Variants in MAP1B observed in about 807,000 individuals in gnomAD.
MAP1B encodes the protein microtubule-associated protein 1B.
Under a neutral mutation model 176.1 loss-of-function variants are expected in MAP1B, and 12 were observed. The observed-to-expected ratio is 0.07, with a 90% CI of 0.04 to 0.11. The LOEUF (loss-of-function observed/expected upper bound fraction) is 0.11, where lower values mean the gene tolerates loss of function less well. Among genes scored for constraint, MAP1B ranks in the 10% least tolerant of loss-of-function variants. The probability of loss-of-function intolerance (pLI) is 1.00; values close to 1 mark genes in which losing one functional copy is unlikely to be tolerated. For missense variants in MAP1B, 2,523 were observed against 2,990.5 expected (o/e 0.84, Z 3.65); for synonymous variants, 1,044 against 1,135.0 (o/e 0.92, Z 1.61).
intron 2 of MAP1B, among the ~76,000 whole-genome samples, chr5:72,123,939 C>A (rs1261998547): frequency 1.3e-5 from 2 of 152,252 alleles, no homozygotes; most frequent in East Asian, 1.9e-4. Flanking sequence ...CGTGAGAGTT[C>A]TCTTAATTTG....
chr5:72,143,984 G>C (rs1287126824), intron 2 of MAP1B, among the ~76,000 whole-genome samples: 1 of 152,088 alleles, frequency 6.6e-6, no homozygotes, highest in Non-Finnish European at 1.5e-5. Context: ...GTGTCACGTG[G>C]CGTGTTCTCC....
chr5:72,183,916 G>T (rs752520914), intron 3 of MAP1B, 91 bp downstream of exon 3: 3 of 1,091,032 alleles, frequency 2.7e-6, no homozygotes, highest in South Asian at 2.6e-5. Flanking sequence ...ATGGGGGCAG[G>T]AGAGGGACAC....
rs1265475754 is a variant in MAP1B at position 72,194,630 on chromosome 5, T to C, written c.1275T>C (p.Leu425=). ...MGVGKLEMYV[L]NPVKSSKEMQ... is the part of the protein sequence containing the mutation. ...TAGGTAAACTTGAGATGTATGTGCT[T>C]AATCCAGTCAAGAGCAGCAAGGAAA... The change falls in exon 5 of 7, where the codon CTT becomes CTC. Residue 425 remains leucine, a synonymous_variant. Transcript: ENST00000296755. This position sits in a 1 kb window ranked among gnomAD's most constrained non-coding sequence, Gnocchi z 7.2. The C allele has an allele frequency of 6.2e-7, 1 of 1,614,036 alleles. No homozygotes were observed. Among genetic ancestry groups the C allele is most frequent in the African/African-American group, 1.3e-5 (1 of 74,928 alleles).
At chr5:72,178,251 C>T (rs537213569) in intron 2 of MAP1B, among the ~76,000 whole-genome samples, 52 of 152,340 alleles carry the variant, frequency 3.4e-4, no homozygotes, top group Middle Eastern at 6.8e-3. Context: ...GATCCACCTG[C>T]CTCGGCCTCC....
In MAP1B at chr5:72,207,661, C is replaced by T. The variant is rs1747480343; in HGVS notation, c.*2422C>T. The T allele has an allele frequency of 6.6e-6, 1 of 152,118 alleles. No homozygotes were observed. The highest frequency in any genetic ancestry group is 2.4e-5 in the African/African-American group (1 of 41,408). The allele number at this position is 152,118 out of a possible 1,614,324, so 9.4% of individuals were successfully genotyped here. A position where few individuals can be genotyped will look rare whatever the true frequency, so the allele number is the denominator to read the frequency against. On this transcript the variant is annotated 3_prime_UTR_variant, in exon 7 of 7. Transcript: ENST00000296755. ...ATTTCATTGAGTATAAACTCATCTA[C>T]TTCAAATTTATTTTATAACACAACC...
chr5:72,166,890 CTG>C (rs1376269062), intron 2 of MAP1B, among the ~76,000 whole-genome samples: 1 of 152,204 alleles, frequency 6.6e-6, no homozygotes, highest in Non-Finnish European at 1.5e-5. Context: ...AAATGGCAGA[CTG>C]TGGGCAGGAC....
At chr5:72,153,699 G>T (rs1005747818) in intron 2 of MAP1B, among the ~76,000 whole-genome samples, 1 of 152,080 alleles carries the variant, frequency 6.6e-6, no homozygotes, top group Admixed American at 6.5e-5. Context: ...GATTCTCTGG[G>T]TTCCCCTTCT....
chr5:72,196,585 C>T lies in MAP1B; in HGVS notation c.3230C>T (p.Pro1077Leu), dbSNP rs763597732. 1.5e-5 allele frequency: 24 copies of T among 1,613,730 alleles called. No individual in the cohort carries two copies. The highest frequency in any genetic ancestry group is 1.4e-5 in the Non-Finnish European group (16 of 1,180,038). ...ACCAAGCAACTAGGAGCCCAGTCTC[C>T]TGGCCGAGAACCTGCATCTTCAATT... The part of the protein sequence containing the change: ...TPTKQLGAQS[P>L]GREPASSIHD... The change falls in exon 5 of 7, where the codon CCT becomes CTT. Residue 1077 changes from proline (P) to leucine (L), a missense_variant. Coordinates refer to ENST00000296755, the MANE Select transcript of MAP1B (RefSeq NM_005909.5). The surrounding 1 kb of genome is among the most constrained non-coding windows in gnomAD (Gnocchi z 5.3).
chr5:72,107,674 C>T lies in MAP1B; in HGVS notation c.143C>T (p.Thr48Ile), dbSNP rs779211689. The stretch of plus-strand genomic sequence containing the variant: ...CTGGTGGTCGTCGGCGAGATCGTGA[C>T]CGAGGAGCACCTGCGGCGTGCCATC... ...YLLVVVGEIV[T>I]EEHLRRAIGN... The change falls in exon 1 of 7, where the codon ACC (threonine) becomes ATC (isoleucine). Residue 48 changes from threonine to isoleucine, a missense_variant. By Grantham distance (89) the Thr-to-Ile change is moderately conservative (BLOSUM62 -1). This residue lies in a region of MAP1B where 307 missense variants were observed against 438.4 expected (regional missense o/e 0.70). Transcript: ENST00000296755. 1.9e-6 allele frequency: 3 copies of T among 1,600,048 alleles called. No homozygotes were observed. Among genetic ancestry groups the T allele is most frequent in the Non-Finnish European group, 8.5e-7 (1 of 1,179,628 alleles).
At position 72,198,646 on chromosome 5, in the gene MAP1B, C is replaced by T; in HGVS notation, c.5291C>T (p.Ser1764Leu). 1.9e-6 allele frequency: 3 copies of T among 1,614,164 alleles called. No individual in the cohort carries two copies. Among genetic ancestry groups the T allele is most frequent in the Non-Finnish European group, 2.5e-6 (3 of 1,180,028 alleles). ...APPRDMSLYA[S>L]LTSEKVQSLE... is the part of the protein sequence containing the mutation. Reference sequence around the variant, plus strand: ...CCCAGAGATATGTCCTTATATGCCTCACTCACCTCTGAAAAAGTGCAAAGT... The same window carrying T: ...CCCAGAGATATGTCCTTATATGCCTTACTCACCTCTGAAAAAGTGCAAAGT... The change falls in exon 5 of 7, where the codon TCA becomes TTA. Residue 1764 changes from serine to leucine, a missense_variant. Physicochemically the swap from Ser to Leu is moderately radical, Grantham distance 145. Around this residue, in one of 4 missense-constraint regions of MAP1B, gnomAD observed 1,925 missense variants for 2,126.0 expected, o/e 0.91. Transcript: ENST00000296755.
chr5:72,174,380 A>G (rs531325757), intron 2 of MAP1B, among the ~76,000 whole-genome samples: 9 of 152,282 alleles, frequency 5.9e-5, no homozygotes, highest in Non-Finnish European at 1.2e-4. Context: ...TTTAGTACCC[A>G]CTCTCCAATA....
intron 2 of MAP1B, among the ~76,000 whole-genome samples, chr5:72,122,314 G>A (rs1246181871): frequency 5.3e-5 from 8 of 152,064 alleles, no homozygotes; most frequent in African/African-American, 1.2e-4. Flanking sequence ...AGACTTTGCC[G>A]CCCAAGCAGC....
At position 72,195,360 on chromosome 5, in the gene MAP1B, A is replaced by G; in HGVS notation, c.2005A>G (p.Ile669Val). 6.3e-7 allele frequency: 1 copy of G among 1,583,648 alleles called. No homozygotes were observed. The highest frequency in any genetic ancestry group is 8.6e-7 in the Non-Finnish European group (1 of 1,168,720). The change falls in exon 5 of 7, where the codon ATC becomes GTC. Residue 669 changes from isoleucine to valine, a missense_variant. Transcript: ENST00000296755. ...EVAKKEDKTP[I>V]KKEEKPKKEE... is the part of the protein sequence containing the mutation. ...GGCTAAAAAGGAGGACAAAACACCT[A>G]TCAAGAAGGAGGAAAAACCAAAAAA...
intron 2 of MAP1B, chr5:72,116,081 G>T (rs1745432835): frequency 5.8e-6 from 2 of 342,360 alleles, no homozygotes; most frequent in Non-Finnish European, 5.6e-6. Context: ...CACAAATTTT[G>T]AATTGATATC....
At position 72,193,978 on chromosome 5, in the gene MAP1B, A is replaced by C. The variant is rs1166158141; in HGVS notation, c.623A>C (p.Asp208Ala). ...AATCTTGACAGACACAATCTCCAAG[A>C]CTTCATCAATATTAAACTCAATTCA... Reference protein sequence around the residue: ...NSNLDRHNLQDFINIKLNSAS... With the variant: ...NSNLDRHNLQAFINIKLNSAS... Residue 208 changes from aspartate (D) to alanine (A), a missense_variant, in exon 5 of 7, where the codon GAC becomes GCC. This residue lies in a region of MAP1B where 307 missense variants were observed against 438.4 expected (regional missense o/e 0.70). Coordinates refer to ENST00000296755, the MANE Select transcript of MAP1B (RefSeq NM_005909.5). 4.3e-6 allele frequency: 7 copies of C among 1,614,036 alleles called. No individual in the cohort carries two copies. Among genetic ancestry groups the C allele is most frequent in the Middle Eastern group, 1.6e-4 (1 of 6,084 alleles).
chr5:72,123,978 GAA>G (rs1448966541), intron 2 of MAP1B, among the ~76,000 whole-genome samples: 2 of 152,206 alleles, frequency 1.3e-5, no homozygotes, highest in East Asian at 1.9e-4. Flanking sequence ...CAGAGAGAGA[GAA>G]AGAGAGAGTG....
intron 2 of MAP1B, among the ~76,000 whole-genome samples, chr5:72,176,474 C>G (rs2112201263): frequency 6.6e-6 from 1 of 152,288 alleles, no homozygotes; most frequent in South Asian, 2.1e-4. Flanking sequence ...CTCTTTCGTC[C>G]ATGAAGAGAA....
chr5:72,119,353 A>G (rs1745486473), intron 2 of MAP1B, among the ~76,000 whole-genome samples: 1 of 152,238 alleles, frequency 6.6e-6, no homozygotes, highest in African/African-American at 2.4e-5. Flanking sequence ...GCCTTGATGT[A>G]AAGCCATTCC....
intron 2 of MAP1B, among the ~76,000 whole-genome samples, chr5:72,166,780 A>G (rs1746439772): frequency 6.6e-6 from 1 of 152,186 alleles, no homozygotes; most frequent in African/African-American, 2.4e-5. Context: ...ACTGAATTAA[A>G]AACTCATTAA....
Sources: allele counts gnomAD v4.1 joint callset (sites outside exome capture counted in the v4.1 genomes callset), GRCh38; gene constraint gnomAD v4.1.1; regional missense constraint gnomAD v4.1.1; non-coding constraint Gnocchi (gnomAD v3.1); transcripts MANE v1.5; gene names NCBI Gene and HGNC (gene_info 2026-07-23, HGNC 2026-07-21).